Variants in PARP4 observed in about 807,000 individuals in gnomAD.
PARP4 encodes the protein poly(ADP-ribose) polymerase family member 4.
A neutral mutation model predicts 187.7 loss-of-function variants in PARP4; 120 were observed. That is an observed-to-expected ratio of 0.64 (90% CI 0.55 to 0.74). The LOEUF (loss-of-function observed/expected upper bound fraction) is 0.74, where lower values mean the gene tolerates loss of function less well. PARP4 is among the 30% of genes least tolerant of loss of function. The pLI is 0.00. For missense variants in PARP4, 1,836 were observed against 2,070.5 expected, an observed-to-expected ratio of 0.89 and a Z score of 2.20; for synonymous variants, 654 against 740.9, an observed-to-expected ratio of 0.88 and a Z score of 1.90.
chr13:24,472,340 T>A (rs1237691915), intron 15 of PARP4, among the ~76,000 whole-genome samples: 2 of 152,170 alleles, frequency 1.3e-5, no homozygotes, highest in Non-Finnish European at 2.9e-5. Flanking sequence ...TCAAAGTCTA[T>A]GACGTTGCTC....
chr13:24,435,147 G>A lies in PARP4; in HGVS notation c.3994C>T (p.Arg1332Cys), dbSNP rs200648886. ...AVGSYLPPTARAHSPASLSFA... is the reference protein window; with the variant it reads ...AVGSYLPPTACAHSPASLSFA... ...GACAAGGAAGCAGGACTGTGAGCGC[G>A]GGCAGTCGGGGGAAGATAGGAACCA... The change falls in exon 31 of 34, where the codon CGC (arginine) becomes TGC (cysteine). Residue 1332 changes from arginine to cysteine, a missense_variant. Around this residue, in one of 8 missense-constraint regions of PARP4, gnomAD observed 450 missense variants for 439.2 expected, o/e 1.02. Coordinates refer to ENST00000381989, the MANE Select transcript of PARP4 (RefSeq NM_006437.4). 1.9e-5 allele frequency: 31 copies of A among 1,614,036 alleles called. No homozygotes were observed. Among genetic ancestry groups the A allele is most frequent in the Middle Eastern group, 1.6e-4 (1 of 6,084 alleles).
intron 4 of PARP4, 53 bp from the exon 5 acceptor site, chr13:24,499,429 A>T: frequency 6.9e-7 from 1 of 1,447,898 alleles, no homozygotes. Context: ...ATTTTAGGCT[A>T]AACAGAATTT....
intron 30 of PARP4, among the ~76,000 whole-genome samples, chr13:24,438,239 GCAGATGGTTTTGGGATGAAAGTATTCCA>G (rs1870733219): frequency 6.6e-6 from 1 of 152,198 alleles, no homozygotes; most frequent in Non-Finnish European, 1.5e-5. Context: ...CAGGGGTGGG[GCAGATGGTTTTGGGATGAAAGTATTCCA>G]CATGTTCCAT....
intron 1 of PARP4, among the ~76,000 whole-genome samples, chr13:24,505,021 T>TTTTTTTA (rs1869539366): frequency 7.1e-6 from 1 of 140,624 alleles, no homozygotes; most frequent in African/African-American, 2.5e-5. Flanking sequence ...TTTTTTTTTT[T>TTTTTTTA]GAGTCAGGGT....
intron 15 of PARP4, among the ~76,000 whole-genome samples, chr13:24,471,406 C>CACAAAGGTCA (rs1457380652): frequency 6.6e-6 from 1 of 152,150 alleles, no homozygotes; most frequent in African/African-American, 2.4e-5. Context: ...GCTGGGCACT[C>CACAAAGGTCA]ACAAAGGTCA....
chr13:24,427,502 T>C (rs1870119820), intron 32 of PARP4, among the ~76,000 whole-genome samples: 2 of 151,972 alleles, frequency 1.3e-5, no homozygotes, highest in African/African-American at 4.8e-5. Context: ...TCCCAAAGTG[T>C]TGAGATTATA....
intron 29 of PARP4, 45 bp from the exon 30 acceptor site, chr13:24,442,013 A>G: frequency 6.8e-7 from 1 of 1,467,856 alleles, no homozygotes; most frequent in Non-Finnish European, 9.2e-7. Context: ...ATGTTATCCA[A>G]TTAAATGATG....
At chr13:24,510,295 C>T (rs1056306670) in intron 1 of PARP4, among the ~76,000 whole-genome samples, 3 of 152,106 alleles carry the variant, frequency 2.0e-5, no homozygotes, top group Non-Finnish European at 4.4e-5. Flanking sequence ...TGGCTCACAC[C>T]TGTAATCCCA....
intron 1 of PARP4, among the ~76,000 whole-genome samples, chr13:24,508,318 G>A (rs1869821565): frequency 6.6e-6 from 1 of 152,084 alleles, no homozygotes; most frequent in Admixed American, 6.5e-5. Flanking sequence ...CCTTCAGATG[G>A]GTCCTGGATG....
chr13:24,426,409 T>A (rs1417643489), intron 33 of PARP4, 57 bp downstream of exon 33: 2 of 1,329,814 alleles, frequency 1.5e-6, no homozygotes, highest in East Asian at 4.7e-5. Context: ...TTCTAAGGTT[T>A]ATTAAATAAA....
chr13:24,440,590 T>C (rs1213815325), intron 30 of PARP4, among the ~76,000 whole-genome samples: 5 of 152,104 alleles, frequency 3.3e-5, no homozygotes, highest in African/African-American at 9.7e-5. Context: ...GGAATGGTCT[T>C]AGAACTCTTC....
chr13:24,455,478 C>CAA (rs1349930768), intron 21 of PARP4, among the ~76,000 whole-genome samples: 2 of 60,816 alleles, frequency 3.3e-5, no homozygotes, highest in Admixed American at 1.9e-4. Flanking sequence ...CATTATGGAA[C>CAA]AAATATATAT....
intron 21 of PARP4, among the ~76,000 whole-genome samples, 182 bp from the exon 22 acceptor site, chr13:24,455,394 C>T (rs568330912): frequency 7.6e-4 from 115 of 150,964 alleles, no homozygotes; most frequent in African/African-American, 2.6e-3. Flanking sequence ...AATGTTAGAA[C>T]TGGGAGTTTC....
chr13:24,449,640 G>A, intron 25 of PARP4, 78 bp downstream of exon 25: 1 of 838,286 alleles, frequency 1.2e-6, no homozygotes, highest in Non-Finnish European at 2.0e-6. Context: ...AGGAAACACA[G>A]ATATTCCTAT....
At chr13:24,450,484 T>C (rs1871450542) in intron 24 of PARP4, among the ~76,000 whole-genome samples, 1 of 151,916 alleles carries the variant, frequency 6.6e-6, no homozygotes, top group African/African-American at 2.4e-5. Flanking sequence ...GGATTTGTCT[T>C]TACCCTCCAT....
At chr13:24,506,675 GCT>G (rs1869706001) in intron 1 of PARP4, among the ~76,000 whole-genome samples, 1 of 152,218 alleles carries the variant, frequency 6.6e-6, no homozygotes, top group South Asian at 2.1e-4. Context: ...GACACAGAGT[GCT>G]GACTGGTGTA....
At chr13:24,454,550 A>G (rs1326434163) in intron 22 of PARP4, among the ~76,000 whole-genome samples, 1 of 152,124 alleles carries the variant, frequency 6.6e-6, no homozygotes, top group African/African-American at 2.4e-5. Flanking sequence ...ACCATTCCTT[A>G]TAGATTTTCT....
At chr13:24,506,388 C>T (rs533328194) in intron 1 of PARP4, among the ~76,000 whole-genome samples, 2 of 152,142 alleles carry the variant, frequency 1.3e-5, no homozygotes, top group East Asian at 1.9e-4. Context: ...GCTTCCACAG[C>T]GTGGAAGAGG....
intron 1 of PARP4, among the ~76,000 whole-genome samples, chr13:24,510,943 G>A (rs1232072837): frequency 1.3e-5 from 2 of 150,924 alleles, no homozygotes; most frequent in African/African-American, 4.9e-5. Context: ...CCACAGGCCT[G>A]CACCACCATG....
Sources: allele counts gnomAD v4.1 joint callset (sites outside exome capture counted in the v4.1 genomes callset), GRCh38; gene constraint gnomAD v4.1.1; regional missense constraint gnomAD v4.1.1; transcripts MANE v1.5; gene names NCBI Gene and HGNC (gene_info 2026-07-23, HGNC 2026-07-21).